The following MRPL21 variants were observed in gnomAD, a reference collection of about 807,000 sequenced individuals.
MRPL21 encodes the protein large ribosomal subunit protein bL21m.
In MRPL21, 20 loss-of-function variants were observed where a neutral mutation model predicts 27.3. The observed-to-expected ratio is 0.73, with a 90% CI of 0.52 to 1.06. The LOEUF is 1.06. MRPL21 is among the 50% of genes least tolerant of loss of function. MRPL21 has a pLI of 0.00. For missense variants in MRPL21, 249 were observed against 251.4 expected (o/e 0.99, Z 0.06); for synonymous variants, 98 against 101.5 (o/e 0.97, Z 0.21).
intron 6 of MRPL21, chr11:68,891,861 T>C: frequency 2.1e-6 from 1 of 474,974 alleles, no homozygotes; most frequent in East Asian, 3.1e-5. Flanking sequence ...GCAAGAGCTG[T>C]GAGGGACAGA....
chr11:68,897,330 C>T lies in MRPL21; in HGVS notation c.232+597G>A, dbSNP rs145728677. On this transcript the variant is annotated intron_variant, in intron 3 of 6. Coordinates refer to ENST00000362034, the MANE Select transcript of MRPL21 (RefSeq NM_181514.2). ...CCGAGGGCGAGACACACAGAAGGGA[C>T]GACAGAGTGCCTGCCCTGGAAACAC... 6.3e-3 allele frequency among the ~76,000 whole-genome samples: 961 copies of T among 152,266 alleles called. 9 individuals carry two copies. The highest frequency in any genetic ancestry group is 0.022 in the African/African-American group (912 of 41,546).
chr11:68,898,842 C>T lies in MRPL21; in HGVS notation c.147-830G>A, dbSNP rs190604307. ...TCGCTCTGTCACCCAGGCTAGAGTG[C>T]GGTGGCATGATCTCAGCTCACTGCA... On this transcript the variant is annotated intron_variant, in intron 2 of 6. Transcript: ENST00000362034. Among the ~76,000 whole-genome samples, 754 of 152,212 alleles carry T rather than the reference C, an allele frequency of 5.0e-3. 5 individuals are homozygous for T. Among genetic ancestry groups the T allele is most frequent in the African/African-American group, 0.018 (729 of 41,536 alleles).
chr11:68,894,578 G>A (rs562668676), intron 4 of MRPL21, among the ~76,000 whole-genome samples: 2 of 152,202 alleles, frequency 1.3e-5, no homozygotes, highest in South Asian at 2.1e-4. Context: ...CACCACGCAC[G>A]GCCTACAGTG....
At chr11:68,897,841 T>A in intron 3 of MRPL21, 86 bp downstream of exon 3, 1 of 990,164 alleles carries the variant, frequency 1.0e-6, no homozygotes, top group East Asian at 2.4e-5. Flanking sequence ...GAAGCCTCGT[T>A]CTGTGGCCTG....
chr11:68,896,601 G>A lies in MRPL21; in HGVS notation c.310C>T (p.Arg104Cys), dbSNP rs564042523. ...RLFAVVHFAS[R>C]QWKVTSEDLI... ...TCTTCAGAGGTCACCTTCCACTGGC[G>A]GCTGGCAAAGTGCACCACGGCAAAG... Residue 104 changes from arginine to cysteine, a missense_variant, in exon 4 of 7, where the codon CGC becomes TGC. Coordinates refer to ENST00000362034, the MANE Select transcript of MRPL21 (RefSeq NM_181514.2). 1.4e-5 allele frequency: 22 copies of A among 1,614,198 alleles called. No homozygotes were observed. Among genetic ancestry groups the A allele is most frequent in the Middle Eastern group, 3.3e-4 (2 of 6,062 alleles).
chr11:68,903,365 G>C (rs991382236), intron 1 of MRPL21, among the ~76,000 whole-genome samples: 11 of 152,166 alleles, frequency 7.2e-5, no homozygotes, highest in African/African-American at 2.2e-4. Context: ...CTCGCAGCCT[G>C]GGGGCAGTGG....
chr11:68,903,520 G>C (rs1229186727), intron 1 of MRPL21, among the ~76,000 whole-genome samples: 3 of 152,302 alleles, frequency 2.0e-5, no homozygotes, highest in Non-Finnish European at 4.4e-5. Context: ...CAAAGTTCAA[G>C]GGCTATTGTC....
At chr11:68,898,917 AG>A (rs1857869246) in intron 2 of MRPL21, among the ~76,000 whole-genome samples, 2 of 152,200 alleles carry the variant, frequency 1.3e-5, no homozygotes, top group South Asian at 4.1e-4. Context: ...TCACCTTAGT[AG>A]CTGGGATTAC....
chr11:68,900,610 G>A lies in MRPL21; in HGVS notation c.89-5C>T, dbSNP rs1330940128. 6.2e-7 allele frequency: 1 copy of A among 1,611,888 alleles called. No individual in the cohort carries two copies. Among genetic ancestry groups the A allele is most frequent in the Non-Finnish European group, 8.5e-7 (1 of 1,177,992 alleles). On this transcript the variant is annotated splice_polypyrimidine_tract_variant and splice_region_variant and intron_variant, in intron 1 of 6. Coordinates refer to ENST00000362034, the MANE Select transcript of MRPL21 (RefSeq NM_181514.2). ...GAGAAGCAGACCAAAGGGAGGCTGA[G>A]GGAAGAAGAGAAACACAGATCATTA... is the stretch of plus-strand genomic sequence containing the variant.
intron 1 of MRPL21, among the ~76,000 whole-genome samples, chr11:68,902,312 C>T (rs1207607838): frequency 6.6e-6 from 1 of 152,184 alleles, no homozygotes; most frequent in African/African-American, 2.4e-5. Flanking sequence ...AAAAACTTTC[C>T]TGCCTACTTA....
chr11:68,894,774 C>T (rs1324824758), intron 4 of MRPL21, among the ~76,000 whole-genome samples: 2 of 152,324 alleles, frequency 1.3e-5, no homozygotes, highest in Non-Finnish European at 2.9e-5. Context: ...TGCACTCCCA[C>T]TGGGTTTCCT....
In MRPL21 at chr11:68,891,412, C is replaced by T. The variant is rs759770356; in HGVS notation, c.554-17G>A. 1 of 1,613,644 alleles carries T rather than the reference C, an allele frequency of 6.2e-7. No individual in the cohort carries two copies. The highest frequency in any genetic ancestry group is 8.5e-7 in the Non-Finnish European group (1 of 1,179,814). ...TCGTGACGACTGAAAGAAAGGATGT[C>T]ACAGGCTTGACCACAGACCCTGACT... On this transcript the variant is annotated splice_polypyrimidine_tract_variant and intron_variant, in intron 6 of 6. Coordinates refer to ENST00000362034, the MANE Select transcript of MRPL21 (RefSeq NM_181514.2).
chr11:68,896,953 C>T (rs192448399), intron 3 of MRPL21: 29 of 514,856 alleles, frequency 5.6e-5, no homozygotes, highest in African/African-American at 5.1e-4. Context: ...ACGCCCAAAC[C>T]GCCTCATGCA....
chr11:68,895,042 A>G (rs559683106), intron 4 of MRPL21, among the ~76,000 whole-genome samples: 1 of 152,356 alleles, frequency 6.6e-6, no homozygotes, highest in Admixed American at 6.5e-5. Flanking sequence ...AGGCGGGCAG[A>G]CTGCCTGAGG....
chr11:68,894,986 C>T (rs770647295), intron 4 of MRPL21, among the ~76,000 whole-genome samples: 1 of 152,162 alleles, frequency 6.6e-6, no homozygotes, highest in Non-Finnish European at 1.5e-5. Context: ...GTGGGCAGGC[C>T]GGGCGTGGTG....
intron 6 of MRPL21, chr11:68,891,682 C>T (rs564007997): frequency 1.1e-4 from 62 of 547,946 alleles, no homozygotes; most frequent in African/African-American, 8.1e-4. Flanking sequence ...TTCTGGAGTG[C>T]GTGGGAGGAT....
At chr11:68,897,396 G>C (rs1857822879) in intron 3 of MRPL21, among the ~76,000 whole-genome samples, 1 of 152,194 alleles carries the variant, frequency 6.6e-6, no homozygotes, top group Admixed American at 6.5e-5. Flanking sequence ...TGAAACTCTT[G>C]GCAGACTTGT....
intron 6 of MRPL21, chr11:68,891,911 G>A (rs560569347): frequency 2.6e-5 from 13 of 508,306 alleles, no homozygotes; most frequent in South Asian, 5.5e-5. Context: ...TGCCCCGTGG[G>A]TGCCATCCCT....
intron 1 of MRPL21, among the ~76,000 whole-genome samples, chr11:68,900,824 G>A (rs1301981086): frequency 1.3e-5 from 2 of 152,160 alleles, no homozygotes; most frequent in Non-Finnish European, 2.9e-5. Flanking sequence ...ATCTACAAGC[G>A]CCTGAGACCA....
Sources: gnomAD v4.1 joint callset for allele counts (sites outside exome capture counted in the v4.1 genomes callset) on GRCh38, gnomAD v4.1.1 for gene constraint, MANE v1.5 for transcripts, NCBI Gene and HGNC (gene_info 2026-07-23, HGNC 2026-07-21) for gene names.